C1orf105: variants seen among roughly 807,000 people sequenced by gnomAD.
C1orf105 encodes uncharacterized protein C1orf105.
A neutral mutation model predicts 20.8 loss-of-function variants in C1orf105; 17 were observed. That is an observed-to-expected ratio of 0.82 (90% confidence interval 0.56 to 1.23). The LOEUF is 1.23. C1orf105 is among the 50% of genes most tolerant of loss of function. The probability of loss-of-function intolerance (pLI) is 0.00; values close to 1 mark genes in which losing one functional copy is unlikely to be tolerated. For missense variants in C1orf105, 219 were observed against 213.5 expected (o/e 1.03, Z -0.16); for synonymous variants, 72 against 72.1 (o/e 1.00, Z 0.01).
rs563816819 is a variant in C1orf105, at chr1:172,434,652, A to G, written c.22-10421A>G. Among the ~76,000 whole-genome samples, 3 of 152,376 alleles carry G rather than the reference A, an allele frequency of 2.0e-5. No individual in the cohort carries two copies. The South Asian group carries it at 6.2e-4, about 32-fold the overall frequency. ...ACTAAATGCCCACAAGAAAAGCAGG[A>G]AAGATCTAAAATCAACACTCTAACA... On this transcript the variant is annotated intron_variant, in intron 1 of 6. Coordinates refer to ENST00000367727, the MANE Select transcript of C1orf105 (RefSeq NM_139240.4).
intron 5 of C1orf105, among the ~76,000 whole-genome samples, chr1:172,463,239 C>T (rs899642455): frequency 6.6e-6 from 1 of 152,250 alleles, no homozygotes; most frequent in Non-Finnish European, 1.5e-5. Flanking sequence ...TAGACATACA[C>T]TCACCTTTAC....
intron 2 of C1orf105, among the ~76,000 whole-genome samples, chr1:172,447,701 C>G (rs1573867147): frequency 6.6e-6 from 1 of 152,336 alleles, no homozygotes; most frequent in East Asian, 1.9e-4. Context: ...TTTAAATAAA[C>G]AATGGACAAT....
chr1:172,435,224 G>C (rs2072000736), intron 1 of C1orf105, among the ~76,000 whole-genome samples: 1 of 152,170 alleles, frequency 6.6e-6, no homozygotes, highest in African/African-American at 2.4e-5. Context: ...AGAAAAAGAA[G>C]GAATCCTCCC....
intron 1 of C1orf105, chr1:172,442,439 G>A: frequency 1.2e-6 from 2 of 1,614,156 alleles, no homozygotes. Context: ...ACACTGCACA[G>A]CTGCTGGATC....
chr1:172,443,936 G>A (rs1558133690), intron 1 of C1orf105: 1 of 994,136 alleles, frequency 1.0e-6, no homozygotes, highest in Non-Finnish European at 1.2e-6. Context: ...GCGGGAGGCA[G>A]CAGAGGAAAA....
intron 1 of C1orf105, among the ~76,000 whole-genome samples, chr1:172,433,776 T>A (rs1573837636): frequency 6.6e-6 from 1 of 152,258 alleles, no homozygotes; most frequent in East Asian, 1.9e-4. Flanking sequence ...ATGTAAATGG[T>A]CTAAATGCCC....
intron 6 of C1orf105, 177 bp downstream of exon 6, chr1:172,465,540 C>T (rs1649986686): frequency 1.5e-6 from 1 of 684,536 alleles, no homozygotes; most frequent in Non-Finnish European, 2.7e-6. Flanking sequence ...GCCCTTCTTT[C>T]ACTCCAGCAC....
chr1:172,463,966 A>G (rs1649870024), intron 5 of C1orf105, among the ~76,000 whole-genome samples: 1 of 152,136 alleles, frequency 6.6e-6, no homozygotes, highest in South Asian at 2.1e-4. Context: ...AACTTTTCCA[A>G]ATTTGTTTCT....
chr1:172,427,719 T>A (rs1332339187), intron 1 of C1orf105, among the ~76,000 whole-genome samples: 4 of 152,186 alleles, frequency 2.6e-5, no homozygotes, highest in Admixed American at 2.6e-4. Context: ...GACACAGAAT[T>A]CTCTTGCTTT....
At chr1:172,434,081 A>C (rs944977449) in intron 1 of C1orf105, among the ~76,000 whole-genome samples, 32 of 152,166 alleles carry the variant, frequency 2.1e-4, no homozygotes, top group East Asian at 3.8e-4. Flanking sequence ...GCACCCAATA[A>C]AGGAGCACCC....
chr1:172,458,799 C>A (rs1649493039), intron 4 of C1orf105, among the ~76,000 whole-genome samples: 1 of 152,050 alleles, frequency 6.6e-6, no homozygotes, highest in African/African-American at 2.4e-5. Flanking sequence ...TTAAAACTAA[C>A]TACAAAGCTA....
chr1:172,422,281 T>G (rs1314273084), intron 1 of C1orf105, among the ~76,000 whole-genome samples: 3 of 152,152 alleles, frequency 2.0e-5, no homozygotes, highest in Non-Finnish European at 4.4e-5. Context: ...TCTTGCAACT[T>G]GGATACCAGT....
At chr1:172,428,194 G>A (rs1234769779) in intron 1 of C1orf105, among the ~76,000 whole-genome samples, 1 of 152,012 alleles carries the variant, frequency 6.6e-6, no homozygotes, top group African/African-American at 2.4e-5. Flanking sequence ...CATATAGAAC[G>A]TGACTATTTT....
intron 1 of C1orf105, among the ~76,000 whole-genome samples, chr1:172,436,771 T>C (rs1203767942): frequency 3.9e-5 from 6 of 152,126 alleles, no homozygotes; most frequent in Admixed American, 6.6e-5. Flanking sequence ...AGCTTCTGCA[T>C]GGCAAAAGAA....
chr1:172,444,614 C>T (rs974477108), intron 1 of C1orf105, among the ~76,000 whole-genome samples: 1 of 152,138 alleles, frequency 6.6e-6, no homozygotes, highest in Non-Finnish European at 1.5e-5. Context: ...AAGACAGGCA[C>T]CTGGGAAGTA....
At chr1:172,460,973 C>G (rs1649653745) in intron 4 of C1orf105, among the ~76,000 whole-genome samples, 1 of 152,208 alleles carries the variant, frequency 6.6e-6, no homozygotes, top group Non-Finnish European at 1.5e-5. Context: ...GGATTTAGAA[C>G]AGCAATCATG....
chr1:172,428,923 T>G, intron 1 of C1orf105: 2 of 614,262 alleles, frequency 3.3e-6, no homozygotes, highest in Admixed American at 2.9e-5. Context: ...GGGAAGCTTA[T>G]GTAGATACTA....
At chr1:172,450,186 A>T (rs1054976513) in intron 3 of C1orf105, among the ~76,000 whole-genome samples, 3 of 152,190 alleles carry the variant, frequency 2.0e-5, no homozygotes, top group African/African-American at 7.2e-5. Flanking sequence ...AGAAGTCCCA[A>T]ATAGGTTGCT....
intron 1 of C1orf105, among the ~76,000 whole-genome samples, chr1:172,429,615 G>T (rs189170398): frequency 5.3e-4 from 81 of 152,296 alleles, no homozygotes; most frequent in Non-Finnish European, 4.4e-5. Flanking sequence ...TTGGCTTGGA[G>T]GATGTAAATG....
Sources: gnomAD v4.1 joint callset for allele counts (sites outside exome capture counted in the v4.1 genomes callset) on GRCh38, gnomAD v4.1.1 for gene constraint, MANE v1.5 for transcripts, NCBI Gene and HGNC (gene_info 2026-07-23, HGNC 2026-07-21) for gene names.